The following SDCCAG8 variants were observed in gnomAD, a reference collection of about 807,000 sequenced individuals.
SDCCAG8 encodes the protein serologically defined colon cancer antigen 8.
In SDCCAG8, 74 loss-of-function variants were observed where a neutral mutation model predicts 101.8. The ratio of observed to expected loss-of-function variants is 0.73; its 90% CI spans 0.60 to 0.88. The LOEUF (loss-of-function observed/expected upper bound fraction) is 0.88, where lower values mean the gene tolerates loss of function less well. SDCCAG8 is among the 40% of genes least tolerant of loss of function. The pLI is 0.00. For synonymous variants in SDCCAG8, 281 were observed against 292.9 expected (o/e 0.96, Z 0.41); for missense variants, 787 against 822.6 (o/e 0.96, Z 0.53).
chr1:243,425,763 A>G (rs1217769171), intron 15 of SDCCAG8, among the ~76,000 whole-genome samples: 2 of 152,206 alleles, frequency 1.3e-5, no homozygotes, highest in Non-Finnish European at 2.9e-5. Flanking sequence ...TAAGACACGA[A>G]AAACAAGATA....
At chr1:243,346,668 C>T (rs763683872) in intron 12 of SDCCAG8, among the ~76,000 whole-genome samples, 1 of 152,186 alleles carries the variant, frequency 6.6e-6, no homozygotes, top group Non-Finnish European at 1.5e-5. Context: ...CCACTTTCTT[C>T]TTTTCTTCTT....
chr1:243,450,381 G>A (rs1482066551), intron 16 of SDCCAG8, among the ~76,000 whole-genome samples: 1 of 152,138 alleles, frequency 6.6e-6, no homozygotes, highest in Non-Finnish European at 1.5e-5. Context: ...TAGCTATTTT[G>A]CAACTCCTTT....
At chr1:243,380,600 T>G (rs2077880713) in intron 13 of SDCCAG8, among the ~76,000 whole-genome samples, 1 of 152,186 alleles carries the variant, frequency 6.6e-6, no homozygotes, top group Admixed American at 6.5e-5. Context: ...CATATTAAGA[T>G]GCAGCAACTG....
chr1:243,425,680 C>T (rs2081293178), intron 15 of SDCCAG8, among the ~76,000 whole-genome samples: 1 of 152,080 alleles, frequency 6.6e-6, no homozygotes, highest in Non-Finnish European at 1.5e-5. Flanking sequence ...TTACTTAATA[C>T]AAGGAAAGGA....
chr1:243,321,061 T>C (rs2149337226), intron 9 of SDCCAG8, among the ~76,000 whole-genome samples: 1 of 152,304 alleles, frequency 6.6e-6, no homozygotes, highest in Non-Finnish European at 1.5e-5. Context: ...TTCTGCACAT[T>C]GTAGGATGTT....
At chr1:243,360,493 T>C (rs1165701327) in intron 12 of SDCCAG8, among the ~76,000 whole-genome samples, 2 of 151,484 alleles carry the variant, frequency 1.3e-5, no homozygotes, top group African/African-American at 4.8e-5. Flanking sequence ...TCTCCTCATC[T>C]AGCCCCTTCA....
chr1:243,403,233 A>G (rs1288028672), intron 13 of SDCCAG8, among the ~76,000 whole-genome samples: 3 of 152,192 alleles, frequency 2.0e-5, no homozygotes, highest in Non-Finnish European at 4.4e-5. Flanking sequence ...CAGCTAGCAC[A>G]TGGTGGAGCC....
At chr1:243,417,383 C>T (rs1421698187) in intron 14 of SDCCAG8, among the ~76,000 whole-genome samples, 1 of 152,144 alleles carries the variant, frequency 6.6e-6, no homozygotes, top group African/African-American at 2.4e-5. Flanking sequence ...ACACTGTTTT[C>T]AATTTCTTTG....
intron 13 of SDCCAG8, among the ~76,000 whole-genome samples, chr1:243,403,659 G>C (rs537562551): frequency 1.3e-5 from 2 of 152,094 alleles, no homozygotes; most frequent in Non-Finnish European, 2.9e-5. Flanking sequence ...TTCCCATGGG[G>C]CGCTAACCGT....
chr1:243,282,877 C>T (rs1052876921), intron 4 of SDCCAG8, among the ~76,000 whole-genome samples: 4 of 152,076 alleles, frequency 2.6e-5, no homozygotes, highest in African/African-American at 9.7e-5. Flanking sequence ...GACTGAGTCT[C>T]GCTCTATAGC....
In SDCCAG8 at chr1:243,316,758, A is replaced by G. The variant is rs1380704597; in HGVS notation, c.933A>G (p.Glu311=). ...AATGTTCTTTTTGTGCTGACAGAGA[A>G]AGAGATGACTTGATGTCTGCACTAG... is the stretch of plus-strand genomic sequence containing the variant. The part of the protein sequence containing the change: ...HMQTIERLVK[E]RDDLMSALVS... The change falls in exon 9 of 18, where the codon GAA becomes GAG. Residue 311 remains glutamate, a synonymous_variant. Coordinates refer to ENST00000366541, the MANE Select transcript of SDCCAG8 (RefSeq NM_006642.5). The G allele has an allele frequency of 4.3e-6, 7 of 1,614,048 alleles. No homozygotes were observed. Among genetic ancestry groups the G allele is most frequent in the Non-Finnish European group, 5.9e-6 (7 of 1,180,028 alleles).
At chr1:243,273,649 C>G (rs1021451316) in intron 3 of SDCCAG8, among the ~76,000 whole-genome samples, 1 of 152,156 alleles carries the variant, frequency 6.6e-6, no homozygotes, top group Non-Finnish European at 1.5e-5. Context: ...GATGGAATTT[C>G]ATCGCATTGA....
intron 9 of SDCCAG8, among the ~76,000 whole-genome samples, chr1:243,325,536 A>G (rs1423242934): frequency 6.6e-6 from 1 of 151,980 alleles, no homozygotes; most frequent in Non-Finnish European, 1.5e-5. Context: ...CATGCTAAAT[A>G]GAAGGAATTA....
At chr1:243,259,617 C>T (rs368578124) in intron 1 of SDCCAG8, among the ~76,000 whole-genome samples, 3 of 151,858 alleles carry the variant, frequency 2.0e-5, no homozygotes, top group Non-Finnish European at 2.9e-5. Context: ...GTCTGGAGTT[C>T]GAGAACAGCC....
intron 17 of SDCCAG8, among the ~76,000 whole-genome samples, chr1:243,491,953 G>A (rs1379450766): frequency 1.3e-5 from 2 of 152,178 alleles, no homozygotes; most frequent in African/African-American, 4.8e-5. Flanking sequence ...TTAATACCCA[G>A]AAGAGAATGG....
intron 7 of SDCCAG8, chr1:243,304,994 A>G (rs2071940830): frequency 1.8e-6 from 1 of 542,694 alleles, no homozygotes; most frequent in Non-Finnish European, 3.3e-6. Context: ...GTTGTAAAAT[A>G]TTTGTGTTTT....
At chr1:243,303,541 G>C (rs2071761716) in intron 6 of SDCCAG8, among the ~76,000 whole-genome samples, 1 of 152,122 alleles carries the variant, frequency 6.6e-6, no homozygotes, top group South Asian at 2.1e-4. Flanking sequence ...CCTACTCAAT[G>C]TGAAGATGGT....
At chr1:243,268,378 TCA>T (rs1030702802) in intron 1 of SDCCAG8, among the ~76,000 whole-genome samples, 4 of 152,266 alleles carry the variant, frequency 2.6e-5, no homozygotes, top group African/African-American at 9.6e-5. Flanking sequence ...TGTAAAACTA[TCA>T]CAGTTTCATA....
intron 8 of SDCCAG8, among the ~76,000 whole-genome samples, chr1:243,310,738 T>C (rs902887688): frequency 2.0e-4 from 30 of 152,090 alleles, no homozygotes; most frequent in Non-Finnish European, 4.1e-4. Flanking sequence ...AAAAGACCAA[T>C]AGAATAAATT....
Sources: gnomAD v4.1 joint callset for allele counts (sites outside exome capture counted in the v4.1 genomes callset) on GRCh38, gnomAD v4.1.1 for gene constraint, MANE v1.5 for transcripts, NCBI Gene and HGNC (gene_info 2026-07-23, HGNC 2026-07-21) for gene names.